TRAK2: variants seen among roughly 807,000 people sequenced by gnomAD.
The protein encoded by TRAK2 is trafficking kinesin protein 2.
TRAK2 carries 81 observed loss-of-function variants against 104.6 expected under a neutral mutation model. The observed-to-expected ratio is 0.77, with a 90% CI of 0.65 to 0.93. The LOEUF is 0.93. TRAK2 is among the 40% of genes least tolerant of loss of function. TRAK2 has a pLI of 0.00. For missense variants in TRAK2, 1,002 were observed against 1,089.0 expected, an observed-to-expected ratio of 0.92 and a Z score of 1.12; for synonymous variants, 406 against 394.4, an observed-to-expected ratio of 1.03 and a Z score of -0.35.
chr2:201,387,818 CG>C lies in TRAK2; in HGVS notation c.1580del (p.Pro527ArgfsTer84). The C allele has an allele frequency of 6.2e-7, 1 of 1,614,178 alleles. No individual in the cohort carries two copies. On this transcript the variant is annotated frameshift_variant, in exon 13 of 16. Coordinates refer to ENST00000332624, the MANE Select transcript of TRAK2 (RefSeq NM_015049.3). LOFTEE classifies it high-confidence loss of function. Reference sequence around the variant, plus strand: ...TGCAGAGAGAGGCAAGGCTCTCTGTCGGGGTGACACAGCCACTAACTCCTTC... The same window carrying C: ...TGCAGAGAGAGGCAAGGCTCTCTGTCGGGTGACACAGCCACTAACTCCTTC... ...QKEGVSGCVT[P>X]TESLASLCTT... is the part of the protein sequence containing the mutation.
Position 201,398,356 on chromosome 2 carries a change from T to C in TRAK2, c.481-2A>G. On this transcript the variant is annotated splice_acceptor_variant, in intron 5 of 15. Transcript: ENST00000332624. LOFTEE classifies it high-confidence loss of function. ...TAGCTCATGCTGCAGCTGATTAACC[T>C]GTCCATATAAAATGCTTGATTTTCA... 1 of 1,609,302 alleles carries C rather than the reference T, an allele frequency of 6.2e-7. No individual in the cohort carries two copies. The highest frequency in any genetic ancestry group is 8.5e-7 in the Non-Finnish European group (1 of 1,176,306).
At chr2:201,430,224 T>C (rs944933996) in intron 1 of TRAK2, among the ~76,000 whole-genome samples, 1 of 152,316 alleles carries the variant, frequency 6.6e-6, no homozygotes, top group Non-Finnish European at 1.5e-5. Context: ...CTGTATGAGG[T>C]GTCAGTCAGC....
intron 15 of TRAK2, among the ~76,000 whole-genome samples, chr2:201,383,548 A>T (rs1951361454): frequency 6.6e-6 from 1 of 152,234 alleles, no homozygotes; most frequent in Non-Finnish European, 1.5e-5. Context: ...ACTGCCACAT[A>T]TCAATACCAG....
intron 1 of TRAK2, among the ~76,000 whole-genome samples, chr2:201,449,570 C>T (rs574652413): frequency 3.3e-5 from 5 of 150,976 alleles, no homozygotes; most frequent in East Asian, 1.9e-4. Flanking sequence ...CCGCAACCTC[C>T]GCCTCCTGGG....
chr2:201,432,033 G>C (rs554903592), intron 1 of TRAK2, among the ~76,000 whole-genome samples: 57 of 152,160 alleles, frequency 3.7e-4, no homozygotes, highest in Non-Finnish European at 6.5e-4. Context: ...TGCAAGTACT[G>C]GTTATTATTA....
chr2:201,389,444 G>C lies in TRAK2; in HGVS notation c.1253C>G (p.Ser418Cys), dbSNP rs1951423802. Residue 418 changes from serine (S) to cysteine (C), a missense_variant, in exon 12 of 16, where the codon TCT (serine) becomes TGT (cysteine). Physicochemically the swap from Ser to Cys is moderately radical, Grantham distance 112 (BLOSUM62 -1). Coordinates refer to ENST00000332624, the MANE Select transcript of TRAK2 (RefSeq NM_015049.3). Reference protein sequence around the residue: ...VRIANDTRGRSISFPALLPIP... With the variant: ...VRIANDTRGRCISFPALLPIP... ...GGGTAACAGAGCTGGGAATGAGATA[G>C]AGCGGCCCCGTGTGTCATTGGCAAT... The C allele has an allele frequency of 3.1e-6, 5 of 1,614,044 alleles. No homozygotes were observed. The highest frequency in any genetic ancestry group is 2.7e-5 in the African/African-American group (2 of 74,912).
intron 10 of TRAK2, among the ~76,000 whole-genome samples, 172 bp downstream of exon 10, chr2:201,392,735 ATT>A (rs1296071287): frequency 6.6e-6 from 1 of 152,188 alleles, no homozygotes; most frequent in African/African-American, 2.4e-5. Context: ...AAATAAGAGT[ATT>A]AAGGAAGATG....
chr2:201,416,603 C>A (rs1156797750), intron 2 of TRAK2, among the ~76,000 whole-genome samples: 1 of 151,774 alleles, frequency 6.6e-6, no homozygotes, highest in Non-Finnish European at 1.5e-5. Context: ...TTATTTAATT[C>A]ATAATTAGCA....
intron 10 of TRAK2, 144 bp from the exon 11 acceptor site, chr2:201,390,024 T>C (rs1435799498): frequency 6.8e-6 from 4 of 587,406 alleles, no homozygotes; most frequent in Non-Finnish European, 1.2e-5. Flanking sequence ...ATTCTGGAAA[T>C]ATAACTTTTA....
At position 201,381,157 on chromosome 2, in the gene TRAK2, T is replaced by C; in HGVS notation, c.2131A>G (p.Asn711Asp). Residue 711 changes from asparagine (N) to aspartate (D), a missense_variant, in exon 16 of 16, where the codon AAT (asparagine) becomes GAT (aspartate). Transcript: ENST00000332624. ...SGSSSSNTAV[N>D]SPALSYRLSI... ...AGTCTATAGGACAAGGCAGGAGAAT[T>C]CACAGCCGTGTTGGATGAACTGCTA... 6.2e-7 allele frequency: 1 copy of C among 1,613,632 alleles called. No homozygotes were observed. Among genetic ancestry groups the C allele is most frequent in the Non-Finnish European group, 8.5e-7 (1 of 1,179,906 alleles).
intron 1 of TRAK2, among the ~76,000 whole-genome samples, chr2:201,448,840 C>G (rs1951986367): frequency 6.6e-6 from 1 of 152,112 alleles, no homozygotes. Flanking sequence ...TCAGCTGGCA[C>G]TACAGGCACA....
At position 201,387,944 on chromosome 2, in the gene TRAK2, T is replaced by C. The variant is rs1189988266; in HGVS notation, c.1455A>G (p.Ala485=). Residue 485 remains alanine (A), a synonymous_variant, in exon 13 of 16, where the codon GCA becomes GCG. Transcript: ENST00000332624. ...GPSGDSDLAT[A]LHRLSLRRQN... ...GTCGACGCAAGCTAAGGCGATGCAG[T>C]GCTGTAGCCAAATCACTATCTCCTG... 2 of 1,614,174 alleles carry C rather than the reference T, an allele frequency of 1.2e-6. No individual in the cohort carries two copies. The highest frequency in any genetic ancestry group is 1.7e-5 in the Admixed American group (1 of 60,026).
At chr2:201,390,850 T>C (rs149184336) in intron 10 of TRAK2, among the ~76,000 whole-genome samples, 59 of 148,358 alleles carry the variant, frequency 4.0e-4, no homozygotes, top group Middle Eastern at 3.5e-3. Flanking sequence ...TTCCTCTTCC[T>C]CTGGTCAGGG....
intron 1 of TRAK2, among the ~76,000 whole-genome samples, chr2:201,421,314 A>T (rs1951738930): frequency 6.6e-6 from 1 of 152,216 alleles, no homozygotes; most frequent in South Asian, 2.1e-4. Context: ...TAAGTTAAAG[A>T]AGTATACCAT....
At chr2:201,432,310 G>A (rs1299376835) in intron 1 of TRAK2, among the ~76,000 whole-genome samples, 1 of 152,142 alleles carries the variant, frequency 6.6e-6, no homozygotes, top group Non-Finnish European at 1.5e-5. Context: ...AAACACAAAT[G>A]ACACATTTTC....
chr2:201,388,844 T>C (rs147032967), intron 12 of TRAK2, among the ~76,000 whole-genome samples: 60 of 152,340 alleles, frequency 3.9e-4, no homozygotes, highest in Middle Eastern at 3.4e-3. Flanking sequence ...CATTTCCCTT[T>C]GGTGCCAAAC....
chr2:201,386,926 G>T (rs1267540000), intron 13 of TRAK2, among the ~76,000 whole-genome samples: 3 of 152,156 alleles, frequency 2.0e-5, no homozygotes, highest in Non-Finnish European at 4.4e-5. Context: ...TGAAAAGGAG[G>T]ATATGTTCTA....
intron 3 of TRAK2, among the ~76,000 whole-genome samples, chr2:201,402,324 T>C (rs1951557170): frequency 6.6e-6 from 1 of 152,114 alleles, no homozygotes; most frequent in African/African-American, 2.4e-5. Flanking sequence ...GTTTTACTTT[T>C]ATCTGAGCTT....
intron 13 of TRAK2, among the ~76,000 whole-genome samples, chr2:201,387,038 C>T (rs1266277881): frequency 1.3e-5 from 2 of 152,288 alleles, no homozygotes; most frequent in African/African-American, 4.8e-5. Context: ...CTAAAAATGG[C>T]AACTCCAACA....
Sources: allele counts gnomAD v4.1 joint callset (sites outside exome capture counted in the v4.1 genomes callset), GRCh38; gene constraint gnomAD v4.1.1; transcripts MANE v1.5; gene names NCBI Gene and HGNC (gene_info 2026-07-23, HGNC 2026-07-21).